TTC28: variants seen among roughly 807,000 people sequenced by gnomAD.
TTC28 encodes the protein tetratricopeptide repeat domain 28.
TTC28 carries 61 observed loss-of-function variants against 198.0 expected under a neutral mutation model. The observed-to-expected ratio is 0.31, with a 90% CI of 0.25 to 0.38. The LOEUF is 0.38. Among genes scored for constraint, TTC28 ranks in the 10% least tolerant of loss-of-function variants. The pLI is 1.00. For synonymous variants in TTC28, 1,171 were observed against 1,297.8 expected (o/e 0.90, Z 2.10); for missense variants, 2,678 against 3,164.0 (o/e 0.85, Z 3.69).
chr22:28,577,474 T>A (rs945993156), intron 2 of TTC28, among the ~76,000 whole-genome samples: 2 of 152,150 alleles, frequency 1.3e-5, no homozygotes, highest in African/African-American at 2.4e-5. Flanking sequence ...TAAATACCTA[T>A]TAGGTCCATT....
chr22:28,388,651 T>C (rs1318964099), intron 2 of TTC28, among the ~76,000 whole-genome samples: 2 of 152,136 alleles, frequency 1.3e-5, no homozygotes, highest in South Asian at 4.1e-4. Flanking sequence ...CTGTCTGTTG[T>C]TGGTGTATAA....
intron 15 of TTC28, chr22:28,000,703 A>G (rs1200291181): frequency 1.3e-5 from 2 of 152,382 alleles, no homozygotes; most frequent in African/African-American, 2.4e-5. Context: ...AAGGGGAAGA[A>G]GATTAAAGCT....
chr22:28,483,581 T>C (rs1189062320), intron 2 of TTC28, among the ~76,000 whole-genome samples: 1 of 152,222 alleles, frequency 6.6e-6, no homozygotes, highest in East Asian at 1.9e-4. Flanking sequence ...AGATCCTTGC[T>C]ATTTATTTTG....
In TTC28 at chr22:27,983,408, G is replaced by T. The variant is rs1937091288; in HGVS notation, c.6259C>A (p.Pro2087Thr). 6.4e-7 allele frequency: 1 copy of T among 1,551,168 alleles called. No homozygotes were observed. The highest frequency in any genetic ancestry group is 8.7e-7 in the Non-Finnish European group (1 of 1,146,994). ...ACTCTCATGCCTCCGGCTGTCCCAG[G>T]TTGGGGTTGTTTGTGGTCTGGTGAG... is the stretch of plus-strand genomic sequence containing the variant. Reference protein sequence around the residue: ...CFSPDHKQPQPGTAGGMRVSV... With the variant: ...CFSPDHKQPQTGTAGGMRVSV... Residue 2087 changes from proline (P) to threonine (T), a missense_variant, in exon 23 of 23, where the codon CCT (proline) becomes ACT (threonine). Pro to Thr is a conservative substitution (Grantham distance 38). Around this residue, in one of 8 missense-constraint regions of TTC28, gnomAD observed 622 missense variants for 656.0 expected, o/e 0.95. Coordinates refer to ENST00000397906, the MANE Select transcript of TTC28 (RefSeq NM_001145418.2).
At chr22:28,229,229 C>A (rs1380946988) in intron 5 of TTC28, among the ~76,000 whole-genome samples, 1 of 152,164 alleles carries the variant, frequency 6.6e-6, no homozygotes, top group Non-Finnish European at 1.5e-5. Context: ...AAAAAGTAAG[C>A]TAATTTTGTA....
At chr22:28,618,274 CTCAA>C (rs913311063) in intron 2 of TTC28, among the ~76,000 whole-genome samples, 9 of 152,002 alleles carry the variant, frequency 5.9e-5, no homozygotes, top group East Asian at 5.8e-4. Flanking sequence ...AAAACTCCAT[CTCAA>C]TCAATCAATC....
rs897804728 is a variant in TTC28 at position 27,980,472 on chromosome 22, ATAT to A, written c.*1746_*1748del. The stretch of plus-strand genomic sequence containing the variant: ...GCTCAGGAGAACACAGATTGGATAA[ATAT>A]TATCCTTTCTTCTTTTCAGAGGAGT... On this transcript the variant is annotated 3_prime_UTR_variant, in exon 23 of 23. Transcript: ENST00000397906. 20 of 152,362 alleles carry A rather than the reference ATAT, an allele frequency of 1.3e-4. No individual in the cohort carries two copies. Among genetic ancestry groups the A allele is most frequent in the African/African-American group, 4.8e-4 (20 of 41,590 alleles). The allele number at this position is 152,362 out of a possible 1,614,324, so 9.4% of individuals were successfully genotyped here. A position where few individuals can be genotyped will look rare whatever the true frequency, so the allele number is the denominator to read the frequency against.
rs1005695269 is a variant in TTC28 at position 28,185,040 on chromosome 22, G to A, written c.934-21441C>T. Among the ~76,000 whole-genome samples, 8 of 152,146 alleles carry A rather than the reference G, an allele frequency of 5.3e-5. No homozygotes were observed. In the South Asian group the frequency reaches 6.2e-4, roughly 12 times the overall value. On this transcript the variant is annotated intron_variant, in intron 5 of 22. Coordinates refer to ENST00000397906, the MANE Select transcript of TTC28 (RefSeq NM_001145418.2). ...CGAATTGATAGTCATGGGACTTTAG[G>A]TCTGCGTAAGGATATAAAAGAAGAA...
intron 5 of TTC28, among the ~76,000 whole-genome samples, chr22:28,282,023 T>A (rs1453838097): frequency 6.6e-6 from 1 of 152,110 alleles, no homozygotes; most frequent in Non-Finnish European, 1.5e-5. Flanking sequence ...ATAATTTTAG[T>A]AGCACTGTGA....
intron 12 of TTC28, among the ~76,000 whole-genome samples, chr22:28,035,427 C>T (rs1048389453): frequency 2.0e-5 from 3 of 152,150 alleles, no homozygotes; most frequent in Admixed American, 6.5e-5. Flanking sequence ...AGAAAGCAAG[C>T]GTTAGTGAAT....
At chr22:28,334,566 T>G (rs1479295753) in intron 2 of TTC28, among the ~76,000 whole-genome samples, 4 of 152,214 alleles carry the variant, frequency 2.6e-5, no homozygotes, top group Admixed American at 2.6e-4. Flanking sequence ...AGATGGTATC[T>G]CATTGTGGTT....
At chr22:28,419,610 C>T (rs1204392389) in intron 2 of TTC28, among the ~76,000 whole-genome samples, 3 of 152,196 alleles carry the variant, frequency 2.0e-5, no homozygotes, top group Non-Finnish European at 4.4e-5. Context: ...TGATGCTAAA[C>T]AGCCTATCGA....
chr22:28,620,214 G>C (rs2050971520), intron 2 of TTC28, among the ~76,000 whole-genome samples: 1 of 152,066 alleles, frequency 6.6e-6, no homozygotes, highest in Admixed American at 6.6e-5. Context: ...GCTGGGTATG[G>C]TGGTGCACAC....
At chr22:28,328,779 AT>A (rs1413448614) in intron 2 of TTC28, among the ~76,000 whole-genome samples, 3 of 147,068 alleles carry the variant, frequency 2.0e-5, no homozygotes, top group African/African-American at 7.4e-5. Flanking sequence ...AATAATAATA[AT>A]AATAATAATA....
chr22:28,167,418 C>T (rs566416083), intron 5 of TTC28, among the ~76,000 whole-genome samples: 39 of 152,270 alleles, frequency 2.6e-4, no homozygotes, highest in African/African-American at 8.7e-4. Context: ...TGCAAAAATC[C>T]TCAATAAAAT....
At chr22:28,177,682 A>G (rs1400334432) in intron 5 of TTC28, among the ~76,000 whole-genome samples, 1 of 152,244 alleles carries the variant, frequency 6.6e-6, no homozygotes, top group African/African-American at 2.4e-5. Flanking sequence ...GCTAAAAACA[A>G]TGGTCTATCA....
intron 2 of TTC28, among the ~76,000 whole-genome samples, chr22:28,613,381 C>T (rs2050851801): frequency 6.6e-6 from 1 of 152,148 alleles, no homozygotes; most frequent in Non-Finnish European, 1.5e-5. Context: ...CAAAGAGGAG[C>T]TGGTACCATT....
intron 5 of TTC28, among the ~76,000 whole-genome samples, chr22:28,287,842 C>T (rs1240837786): frequency 6.6e-6 from 1 of 151,976 alleles, no homozygotes; most frequent in Non-Finnish European, 1.5e-5. Flanking sequence ...TGGACTAGAT[C>T]AAGAAGAAAC....
At chr22:28,472,236 C>A (rs973356115) in intron 2 of TTC28, among the ~76,000 whole-genome samples, 9 of 152,146 alleles carry the variant, frequency 5.9e-5, no homozygotes, top group African/African-American at 1.9e-4. Context: ...ATTTCCCTAT[C>A]ACTCTTCTTT....
Sources: allele counts gnomAD v4.1 joint callset (sites outside exome capture counted in the v4.1 genomes callset), GRCh38; gene constraint gnomAD v4.1.1; regional missense constraint gnomAD v4.1.1; transcripts MANE v1.5; gene names NCBI Gene and HGNC (gene_info 2026-07-23, HGNC 2026-07-21).